The following SUMF1 variants were observed in gnomAD, a reference collection of about 807,000 sequenced individuals.
SUMF1 encodes sulfatase modifying factor 1.
In SUMF1, 48 loss-of-function variants were observed where a neutral mutation model predicts 47.6. That is an observed-to-expected ratio of 1.01 (90% CI 0.80 to 1.28). SUMF1 has a LOEUF of 1.28. Ranked by LOEUF, SUMF1 falls within the 50% of genes most tolerant of loss-of-function variation. SUMF1 has a pLI of 0.00. For missense variants in SUMF1, 571 were observed against 485.4 expected (o/e 1.18, Z -1.66); for synonymous variants, 230 against 192.1 (o/e 1.20, Z -1.63).
chr3:4,397,390 C>T (rs1030457117), intron 7 of SUMF1, among the ~76,000 whole-genome samples: 6 of 152,130 alleles, frequency 3.9e-5, no homozygotes, highest in Non-Finnish European at 7.4e-5. Context: ...AGTGCAGGGC[C>T]GCATATGGTT....
intron 8 of SUMF1, among the ~76,000 whole-genome samples, chr3:4,130,039 A>T (rs1451011489): frequency 6.6e-6 from 1 of 152,166 alleles, no homozygotes; most frequent in Non-Finnish European, 1.5e-5. Context: ...AATCAAAAAC[A>T]ATATCGCATC....
At chr3:4,318,462 T>G (rs1306978621) in intron 8 of SUMF1, among the ~76,000 whole-genome samples, 1 of 152,150 alleles carries the variant, frequency 6.6e-6, no homozygotes, top group Non-Finnish European at 1.5e-5. Context: ...AGAAAGGATA[T>G]CTATGAAGAC....
At chr3:4,086,289 C>T (rs1692670529) in intron 8 of SUMF1, among the ~76,000 whole-genome samples, 1 of 151,686 alleles carries the variant, frequency 6.6e-6, no homozygotes. Flanking sequence ...TAAAAGAATC[C>T]CCATCCCACA....
intron 1 of SUMF1, among the ~76,000 whole-genome samples, chr3:4,455,838 T>C (rs76175310): frequency 5.3e-5 from 8 of 152,106 alleles, no homozygotes; most frequent in Non-Finnish European, 7.4e-5. Context: ...TTCCATAAAA[T>C]TGAAGAAGAG....
At chr3:4,316,188 A>T in intron 8 of SUMF1, 1 of 663,684 alleles carries the variant, frequency 1.5e-6, no homozygotes, top group South Asian at 1.7e-5. Flanking sequence ...ATGACATCTT[A>T]CTTGCTGTTT....
At chr3:4,111,606 C>T (rs1183069276) in intron 8 of SUMF1, among the ~76,000 whole-genome samples, 1 of 151,786 alleles carries the variant, frequency 6.6e-6, no homozygotes, top group East Asian at 1.9e-4. Context: ...CCTCTACCTG[C>T]CTCTAGTAGT....
At chr3:4,331,638 T>G (rs1441907238) in intron 8 of SUMF1, among the ~76,000 whole-genome samples, 2 of 152,120 alleles carry the variant, frequency 1.3e-5, no homozygotes, top group Non-Finnish European at 2.9e-5. Flanking sequence ...GTCCAGACTA[T>G]GCCAACATGG....
chr3:4,129,117 G>A (rs528338327), intron 8 of SUMF1, among the ~76,000 whole-genome samples: 16 of 152,232 alleles, frequency 1.1e-4, no homozygotes, highest in African/African-American at 2.4e-4. Context: ...AAACAGATTC[G>A]TGAGGGCAGC....
chr3:4,139,451 A>G (rs575298080), intron 8 of SUMF1, among the ~76,000 whole-genome samples: 1 of 152,066 alleles, frequency 6.6e-6, no homozygotes, highest in African/African-American at 2.4e-5. Context: ...AGTCATGTAT[A>G]TTTTATTATT....
At chr3:4,203,200 C>T (rs1695577337) in intron 8 of SUMF1, among the ~76,000 whole-genome samples, 1 of 151,946 alleles carries the variant, frequency 6.6e-6, no homozygotes, top group Non-Finnish European at 1.5e-5. Context: ...TTGATGTTCC[C>T]ACCTATTGTA....
intron 7 of SUMF1, among the ~76,000 whole-genome samples, chr3:4,397,596 C>G (rs934968998): frequency 2.0e-5 from 3 of 152,128 alleles, no homozygotes; most frequent in Non-Finnish European, 2.9e-5. Flanking sequence ...TGAAGACTTC[C>G]ATGATTTTAT....
At chr3:4,212,293 C>T (rs983535654) in intron 8 of SUMF1, among the ~76,000 whole-genome samples, 34 of 152,242 alleles carry the variant, frequency 2.2e-4, no homozygotes, top group East Asian at 9.7e-4. Context: ...CAAACAGCAT[C>T]GGGAGTGGAC....
intron 8 of SUMF1, among the ~76,000 whole-genome samples, chr3:4,262,068 T>A (rs1043383217): frequency 7.9e-5 from 12 of 152,300 alleles, no homozygotes; most frequent in African/African-American, 2.9e-4. Context: ...TGATATTCTC[T>A]GTGCACTCAG....
chr3:4,248,956 C>T (rs79774888), intron 8 of SUMF1, among the ~76,000 whole-genome samples: 3,689 of 152,278 alleles, frequency 0.024, 147 homozygotes, highest in African/African-American at 0.084. Flanking sequence ...AAACAGACCA[C>T]CAGTGGCCGT....
intron 8 of SUMF1, chr3:4,316,110 G>A: frequency 1.1e-5 from 6 of 547,138 alleles, no homozygotes; most frequent in Non-Finnish European, 2.0e-5. Context: ...TTTGATATTG[G>A]AATACATTCT....
chr3:4,301,175 G>A (rs564287934), intron 8 of SUMF1, among the ~76,000 whole-genome samples: 89 of 152,290 alleles, frequency 5.8e-4, no homozygotes, highest in African/African-American at 1.9e-3. Context: ...ACAGAGAAGG[G>A]ACTACTTGAG....
intron 8 of SUMF1, among the ~76,000 whole-genome samples, chr3:4,245,976 C>T (rs1696658565): frequency 6.6e-6 from 1 of 152,212 alleles, no homozygotes; most frequent in Non-Finnish European, 1.5e-5. Flanking sequence ...GTGGATGCCC[C>T]TTTCCCTGCC....
intron 8 of SUMF1, among the ~76,000 whole-genome samples, chr3:4,109,251 C>A (rs1321084139): frequency 6.6e-6 from 1 of 152,012 alleles, no homozygotes; most frequent in African/African-American, 2.4e-5. Flanking sequence ...TGAATATTGG[C>A]CCCCACTCTC....
chr3:4,133,481 G>T (rs528020954), intron 8 of SUMF1, among the ~76,000 whole-genome samples: 2 of 152,240 alleles, frequency 1.3e-5, no homozygotes, highest in East Asian at 3.9e-4. Flanking sequence ...TCCTCAGTGT[G>T]TCTGTGAGGG....
Sources: gnomAD v4.1 joint callset for allele counts (sites outside exome capture counted in the v4.1 genomes callset) on GRCh38, gnomAD v4.1.1 for gene constraint, MANE v1.5 for transcripts, NCBI Gene and HGNC (gene_info 2026-07-23, HGNC 2026-07-21) for gene names.